Variants in EDA observed in about 807,000 individuals in gnomAD.
EDA encodes the protein ectodysplasin A, also known as ectodysplasin-A.
In EDA, 2 loss-of-function variants were observed where a neutral mutation model predicts 23.6. The ratio of observed to expected loss-of-function variants is 0.08; its 90% confidence interval spans 0.03 to 0.27. EDA has a LOEUF of 0.27. Ranked by LOEUF, EDA falls within the 10% of genes least tolerant of loss-of-function variation. The pLI is 1.00. For synonymous variants in EDA, 131 were observed against 132.0 expected (o/e 0.99, Z 0.05); for missense variants, 229 against 324.2 (o/e 0.71, Z 2.26).
chrX:69,695,194 C>G (rs1197366810), intron 1 of EDA, among the ~76,000 whole-genome samples: 1 of 110,181 alleles, frequency 9.1e-6, no homozygotes, highest in Non-Finnish European at 1.9e-5. Flanking sequence ...GTGGTGTGTG[C>G]CTGTAGTCCC....
intron 1 of EDA, chrX:69,620,832 A>G (rs1218546366): frequency 8.0e-6 from 3 of 374,589 alleles, no homozygotes; most frequent in Non-Finnish European, 1.6e-5. Context: ...TGTTGAGTTG[A>G]ATATTATTTT....
At chrX:69,786,316 T>C (rs1037517125) in intron 1 of EDA, among the ~76,000 whole-genome samples, 5 of 109,566 alleles carry the variant, frequency 4.6e-5, no homozygotes, top group African/African-American at 1.3e-4. Flanking sequence ...TTTTAGTTAT[T>C]TTTTGCCTTC....
chrX:70,035,922 T>G lies in EDA; in HGVS notation c.*313T>G. ...TCCCTGTTGTCAGATCTATTGTTTG[T>G]TGCACTAAAATGAGGATCCAGGGCA... On this transcript the variant is annotated 3_prime_UTR_variant, in exon 8 of 8. Coordinates refer to ENST00000374552, the MANE Select transcript of EDA (RefSeq NM_001399.5). 1 of 331,227 alleles carries G rather than the reference T, an allele frequency of 3.0e-6. No homozygotes were observed. The highest frequency in any genetic ancestry group is 2.6e-5 in the African/African-American group (1 of 38,485). 27.3% of individuals were successfully genotyped at this position (331,227 alleles called of 1,213,427 possible).
chrX:69,877,016 T>C (rs1371793655), intron 1 of EDA, among the ~76,000 whole-genome samples: 6 of 112,363 alleles, frequency 5.3e-5, no homozygotes, highest in African/African-American at 1.9e-4. Flanking sequence ...GCCAAACTGT[T>C]TTGCAAAATG....
intron 1 of EDA, among the ~76,000 whole-genome samples, chrX:69,862,705 C>T (rs2017405828): frequency 9.0e-6 from 1 of 111,473 alleles, no homozygotes; most frequent in African/African-American, 3.3e-5. Context: ...CGGCCTCCCA[C>T]AGTCCTGTGA....
intron 1 of EDA, among the ~76,000 whole-genome samples, chrX:69,772,555 C>T (rs893000940): frequency 6.3e-5 from 7 of 111,205 alleles, no homozygotes; most frequent in Non-Finnish European, 1.3e-4. Context: ...TATTGCATGT[C>T]GCTGAGGACT....
At chrX:69,633,464 A>G in intron 1 of EDA, among the ~76,000 whole-genome samples, 1 of 111,828 alleles carries the variant, frequency 8.9e-6, no homozygotes, top group Middle Eastern at 4.6e-3. Context: ...ATCCAAGAAC[A>G]TTTTCATTGC....
intron 1 of EDA, among the ~76,000 whole-genome samples, chrX:69,890,963 A>G (rs1014309318): frequency 1.8e-5 from 2 of 111,869 alleles, no homozygotes; most frequent in South Asian, 3.8e-4. Flanking sequence ...CAGCCTACAG[A>G]ATGGGAGAAA....
intron 1 of EDA, among the ~76,000 whole-genome samples, chrX:69,735,521 A>T (rs1461605116): frequency 8.9e-6 from 1 of 111,771 alleles, no homozygotes; most frequent in Non-Finnish European, 1.9e-5. Flanking sequence ...TTTCTTTTGT[A>T]ATATTGATAG....
At chrX:69,973,004 A>G (rs2019269480) in intron 2 of EDA, among the ~76,000 whole-genome samples, 1 of 109,121 alleles carries the variant, frequency 9.2e-6, no homozygotes, top group South Asian at 3.7e-4. Flanking sequence ...AAGCTAATCT[A>G]AGCTAATCTA....
intron 1 of EDA, among the ~76,000 whole-genome samples, chrX:69,719,512 A>G (rs2012489841): frequency 9.1e-6 from 1 of 110,053 alleles, no homozygotes; most frequent in African/African-American, 3.3e-5. Context: ...CACCCTCCCC[A>G]CTTCTGAGTC....
intron 7 of EDA, 48 bp from the exon 8 acceptor site, chrX:70,035,310 C>T (rs1232914699): frequency 1.7e-6 from 2 of 1,186,877 alleles, no homozygotes; most frequent in Non-Finnish European, 2.3e-6. Flanking sequence ...GGCCCCCCAC[C>T]CTCTCTTTCC....
intron 2 of EDA, among the ~76,000 whole-genome samples, chrX:69,960,431 G>A (rs2019082584): frequency 9.0e-6 from 1 of 111,395 alleles, no homozygotes; most frequent in Non-Finnish European, 1.9e-5. Flanking sequence ...GCAGTGTAGA[G>A]GAATATGGGG....
At chrX:69,856,864 T>C (rs1322058393) in intron 1 of EDA, among the ~76,000 whole-genome samples, 1 of 112,008 alleles carries the variant, frequency 8.9e-6, no homozygotes, top group Non-Finnish European at 1.9e-5. Context: ...CCAAAAGCTC[T>C]TTAGTTTAAT....
At chrX:69,911,975 G>C (rs2018273899) in intron 1 of EDA, among the ~76,000 whole-genome samples, 1 of 112,496 alleles carries the variant, frequency 8.9e-6, no homozygotes, top group Non-Finnish European at 1.9e-5. Flanking sequence ...ACTGTAACGT[G>C]ATGCTGTTTG....
chrX:70,001,914 C>T (rs1321506116), intron 2 of EDA, among the ~76,000 whole-genome samples: 1 of 111,542 alleles, frequency 9.0e-6, no homozygotes, highest in Non-Finnish European at 1.9e-5. Context: ...ACCTTGGTCA[C>T]ACATTAGACT....
chrX:70,025,992 T>C (rs1242672034), intron 3 of EDA, among the ~76,000 whole-genome samples: 1 of 112,230 alleles, frequency 8.9e-6, no homozygotes, highest in Non-Finnish European at 1.9e-5. Flanking sequence ...ATTGGGTTTC[T>C]TGGCCATGAG....
At position 69,932,139 on chromosome X, in the gene EDA, T is replaced by C. The variant is rs554385346; in HGVS notation, c.397-24888T>C. The stretch of plus-strand genomic sequence containing the variant: ...TAAAATTCTAGAAAATGAAAACTGA[T>C]CTATAGTGGCAAAAAGCAGATCAGT... On this transcript the variant is annotated intron_variant, in intron 1 of 7. Transcript: ENST00000374552. Among the ~76,000 whole-genome samples, 5 of 111,238 alleles carry C rather than the reference T, an allele frequency of 4.5e-5. No homozygotes were observed. The South Asian group carries it at 1.9e-3, about 42-fold the overall frequency.
chrX:69,645,592 A>ATG (rs1201821188), intron 1 of EDA, among the ~76,000 whole-genome samples: 5 of 47,803 alleles, frequency 1.0e-4, no homozygotes, highest in Non-Finnish European at 1.6e-4. Context: ...TTTTATATAT[A>ATG]TGTGTGTGTG....
Sources: allele counts gnomAD v4.1 joint callset (sites outside exome capture counted in the v4.1 genomes callset), GRCh38; gene constraint gnomAD v4.1.1; transcripts MANE v1.5; gene names NCBI Gene and HGNC (gene_info 2026-07-23, HGNC 2026-07-21).